PMS2: variants seen among roughly 807,000 people sequenced by gnomAD.
PMS2 encodes the protein mismatch repair endonuclease PMS2.
A neutral mutation model predicts 90.0 loss-of-function variants in PMS2; 69 were observed. The observed-to-expected ratio is 0.77, with a 90% CI of 0.63 to 0.94. The LOEUF is 0.94. Among genes scored for constraint, PMS2 ranks in the 40% least tolerant of loss-of-function variants. The probability of loss-of-function intolerance (pLI) is 0.00; values close to 1 mark genes in which losing one functional copy is unlikely to be tolerated. For synonymous variants in PMS2, 332 were observed against 375.1 expected, an observed-to-expected ratio of 0.89 and a Z score of 1.33; for missense variants, 966 against 1,040.2, an observed-to-expected ratio of 0.93 and a Z score of 0.98.
At chr7:5,991,938 G>A (rs1470251333) in intron 9 of PMS2, 35 bp downstream of exon 9, 2 of 929,664 alleles carry the variant, frequency 2.2e-6, no homozygotes, top group Non-Finnish European at 3.6e-6. Context: ...TGAGGCATTA[G>A]TCACTAGTTG....
intron 10 of PMS2, 78 bp downstream of exon 10, chr7:5,989,722 A>G (rs2128746223): frequency 8.8e-7 from 1 of 1,142,488 alleles, no homozygotes. Flanking sequence ...CATGTCAAAA[A>G]AAAGTTTACT....
At chr7:5,993,553 G>C (rs1784011606) in intron 8 of PMS2, among the ~76,000 whole-genome samples, 1 of 151,038 alleles carries the variant, frequency 6.6e-6, no homozygotes, top group African/African-American at 2.4e-5. Flanking sequence ...AGAAAATATA[G>C]AAATCTATAG....
intron 12 of PMS2, 81 bp downstream of exon 12, chr7:5,982,743 C>A (rs2128701328): frequency 6.2e-7 from 1 of 1,606,782 alleles, no homozygotes; most frequent in Non-Finnish European, 8.5e-7. Flanking sequence ...AACTCCTGGC[C>A]TCTTGTGATC....
chr7:5,989,428 C>T (rs1022837439), intron 10 of PMS2, among the ~76,000 whole-genome samples: 1 of 151,412 alleles, frequency 6.6e-6, no homozygotes, highest in African/African-American at 2.4e-5. Flanking sequence ...AGCGAAACTC[C>T]ATCTCAAAAA....
intron 1 of PMS2, among the ~76,000 whole-genome samples, chr7:6,008,795 G>A (rs1241186139): frequency 6.6e-6 from 1 of 152,132 alleles, no homozygotes; most frequent in African/African-American, 2.4e-5. Flanking sequence ...CCAGGACCCC[G>A]AAGGAGCTTG....
chr7:5,988,733 A>G (rs941868886), intron 10 of PMS2, among the ~76,000 whole-genome samples: 6 of 152,388 alleles, frequency 3.9e-5, no homozygotes, highest in Admixed American at 2.6e-4. Context: ...GAATTTTGCC[A>G]CATGACTTGG....
chr7:5,976,067 C>T (rs1235746496), intron 14 of PMS2, among the ~76,000 whole-genome samples: 1 of 144,778 alleles, frequency 6.9e-6, no homozygotes, highest in East Asian at 2.8e-4. Flanking sequence ...GGTGAAACCC[C>T]ATCTCTATTA....
chr7:6,008,805 G>C (rs756623146), intron 1 of PMS2, among the ~76,000 whole-genome samples, 192 bp downstream of exon 1: 8 of 152,166 alleles, frequency 5.3e-5, no homozygotes, highest in Non-Finnish European at 1.0e-4. Flanking sequence ...GAAGGAGCTT[G>C]CCTCGGCCTC....
intron 12 of PMS2, among the ~76,000 whole-genome samples, chr7:5,979,350 C>A (rs1421636318): frequency 1.4e-5 from 2 of 147,084 alleles, no homozygotes; most frequent in East Asian, 4.0e-4. Context: ...AAGATCACAC[C>A]ACTGCACTCC....
In PMS2 at chr7:5,987,185, C is replaced by T. The variant is rs1783042729; in HGVS notation, c.1580G>A (p.Arg527Lys). The T allele has an allele frequency of 6.2e-7, 1 of 1,614,118 alleles. No individual in the cohort carries two copies. Among genetic ancestry groups the T allele is most frequent in the Non-Finnish European group, 8.5e-7 (1 of 1,180,008 alleles). ...SEYAASSPGDRGSQEHVDSQE... is the reference protein window; with the variant it reads ...SEYAASSPGDKGSQEHVDSQE... ...AGAGTCCACATGTTCCTGCGAGCCC[C>T]TGTCCCCTGGGGAGCTGGCCGCATA... The change falls in exon 11 of 15, where the codon AGG becomes AAG. Residue 527 changes from arginine (R) to lysine (K), a missense_variant. Transcript: ENST00000265849.
chr7:6,003,324 T>C (rs190622317), intron 4 of PMS2: 3 of 148,014 alleles, frequency 2.0e-5, no homozygotes, highest in African/African-American at 5.0e-5. Context: ...TATATATATA[T>C]AATTATTTAT....
At chr7:5,993,054 T>G (rs1330507210) in intron 8 of PMS2, among the ~76,000 whole-genome samples, 4 of 152,198 alleles carry the variant, frequency 2.6e-5, no homozygotes, top group African/African-American at 9.6e-5. Context: ...TCTGGCAGAT[T>G]ACAAGCAAAC....
Position 5,995,537 on chromosome 7 carries a change from T to C in PMS2, c.900A>G (p.Ala300=). The C allele has an allele frequency of 6.2e-7, 1 of 1,610,566 alleles. No homozygotes were observed. Among genetic ancestry groups the C allele is most frequent in the South Asian group, 1.1e-5 (1 of 91,004 alleles). ...AACACAAAAAAATTTTAAATACCTT[T>C]GCTGGGTCACAAGGCCGCCGGTTGA... is the stretch of plus-strand genomic sequence containing the variant. ...FFINRRPCDP[A]KVCRLVNEVY... The change falls in exon 8 of 15, where the codon GCA becomes GCG. Residue 300 remains alanine, a synonymous_variant. Transcript: ENST00000265849.
chr7:6,000,602 TCTG>T (rs754341322), intron 5 of PMS2, among the ~76,000 whole-genome samples: 48 of 152,310 alleles, frequency 3.2e-4, no homozygotes, highest in Non-Finnish European at 4.4e-4. Context: ...ATTCCTGTAT[TCTG>T]CTAAGGCACT....
At chr7:5,995,004 T>TA (rs1408876437) in intron 8 of PMS2, among the ~76,000 whole-genome samples, 2 of 151,998 alleles carry the variant, frequency 1.3e-5, no homozygotes, top group Non-Finnish European at 2.9e-5. Flanking sequence ...CTGCAAAAAA[T>TA]AACTTCTGCA....
At position 5,989,609 on chromosome 7, in the gene PMS2, G is replaced by T. The variant is rs553134175; in HGVS notation, c.1144+191C>A. Among the ~76,000 whole-genome samples, 9 of 152,282 alleles carry T rather than the reference G, an allele frequency of 5.9e-5. No individual in the cohort carries two copies. In the East Asian group the frequency reaches 1.5e-3, roughly 26 times the overall value. On this transcript the variant is annotated intron_variant, in intron 10 of 14. Transcript: ENST00000265849. ...CTGAGCCCAGGAGTGTGATGCTGCA[G>T]TGAGCTACAATGGCACCACTGCAGT...
chr7:5,992,600 G>A (rs1376944237), intron 8 of PMS2, among the ~76,000 whole-genome samples: 4 of 152,166 alleles, frequency 2.6e-5, no homozygotes, highest in Admixed American at 6.6e-5. Flanking sequence ...GATTATAGGC[G>A]TAAGCCACTA....
intron 1 of PMS2, among the ~76,000 whole-genome samples, 167 bp downstream of exon 1, chr7:6,008,830 G>A (rs1473800863): frequency 6.6e-6 from 1 of 152,256 alleles, no homozygotes; most frequent in South Asian, 2.1e-4. Flanking sequence ...CGCACCCAAG[G>A]GGCACGAGAT....
chr7:6,005,124 A>G (rs1285802148), intron 2 of PMS2, among the ~76,000 whole-genome samples: 2 of 151,980 alleles, frequency 1.3e-5, no homozygotes, highest in African/African-American at 4.8e-5. Flanking sequence ...AGGCTGGTCT[A>G]GAACTCCTGA....
Sources: gnomAD v4.1 joint callset for allele counts (sites outside exome capture counted in the v4.1 genomes callset) on GRCh38, gnomAD v4.1.1 for gene constraint, MANE v1.5 for transcripts, NCBI Gene and HGNC (gene_info 2026-07-23, HGNC 2026-07-21) for gene names.